Variants in PALM2AKAP2 observed in about 807,000 individuals in gnomAD.
PALM2AKAP2 encodes PALM2 and AKAP2 fusion.
In PALM2AKAP2, 37 loss-of-function variants were observed where a neutral mutation model predicts 71.5. The ratio of observed to expected loss-of-function variants is 0.52; its 90% confidence interval spans 0.40 to 0.68. PALM2AKAP2 has a LOEUF of 0.68. PALM2AKAP2 is among the 30% of genes least tolerant of loss of function. PALM2AKAP2 has a pLI of 0.00. For missense variants in PALM2AKAP2, 1,224 were observed against 1,191.8 expected, an observed-to-expected ratio of 1.03 and a Z score of -0.40; for synonymous variants, 468 against 478.8, an observed-to-expected ratio of 0.98 and a Z score of 0.29.
chr9:109,822,751 C>T (rs1828043444), intron 1 of PALM2AKAP2, among the ~76,000 whole-genome samples: 1 of 152,060 alleles, frequency 6.6e-6, no homozygotes, highest in African/African-American at 2.4e-5. Flanking sequence ...GTATATGTAC[C>T]ACATTGATGT....
intron 6 of PALM2AKAP2, among the ~76,000 whole-genome samples, chr9:109,978,258 G>T (rs1832206478): frequency 6.6e-6 from 1 of 152,098 alleles, no homozygotes; most frequent in South Asian, 2.1e-4. Context: ...AGATGTCAGT[G>T]GAGGTTGGCA....
At chr9:110,156,465 T>G (rs763794718) in exon 3 of PALM2AKAP2, 3 of 1,610,548 alleles carry the variant, frequency 1.9e-6, no homozygotes, top group Non-Finnish European at 2.5e-6. Context: ...GACACACAAA[T>G]CTAAAAGGCG....
chr9:110,043,169 C>G (rs1370180765), intron 7 of PALM2AKAP2, among the ~76,000 whole-genome samples: 1 of 152,178 alleles, frequency 6.6e-6, no homozygotes, highest in Non-Finnish European at 1.5e-5. Flanking sequence ...CACCCCACAC[C>G]AACTCACACA....
chr9:109,855,856 A>C (rs1433059780), intron 1 of PALM2AKAP2, among the ~76,000 whole-genome samples: 2 of 152,232 alleles, frequency 1.3e-5, no homozygotes, highest in Non-Finnish European at 2.9e-5. Flanking sequence ...ATGGAATTAT[A>C]ATAGACTTCT....
intron 7 of PALM2AKAP2, among the ~76,000 whole-genome samples, chr9:110,017,087 G>A (rs1382053137): frequency 1.3e-5 from 2 of 152,150 alleles, no homozygotes; most frequent in Admixed American, 6.5e-5. Flanking sequence ...CACCGTGTTA[G>A]CCAGGATGGT....
intron 6 of PALM2AKAP2, among the ~76,000 whole-genome samples, chr9:109,986,542 T>G (rs754376843): frequency 6.6e-6 from 1 of 152,248 alleles, no homozygotes; most frequent in Non-Finnish European, 1.5e-5. Context: ...CAAATAGAAT[T>G]TTCAGTGCTA....
chr9:110,150,189 A>G (rs1836276096), intron 2 of PALM2AKAP2, among the ~76,000 whole-genome samples: 1 of 152,228 alleles, frequency 6.6e-6, no homozygotes. Context: ...ATCCAGGGAG[A>G]GAGCCTTCAG....
At chr9:110,141,490 C>CA (rs1836028643) in intron 2 of PALM2AKAP2, among the ~76,000 whole-genome samples, 1 of 152,200 alleles carries the variant, frequency 6.6e-6, no homozygotes, top group Non-Finnish European at 1.5e-5. Flanking sequence ...ATGTAAAATA[C>CA]AATTTTCTTC....
chr9:109,706,466 A>G (rs768602549), intron 1 of PALM2AKAP2, among the ~76,000 whole-genome samples: 1 of 152,244 alleles, frequency 6.6e-6, no homozygotes, highest in Non-Finnish European at 1.5e-5. Flanking sequence ...GGGGATATAA[A>G]GTGGTGCAGC....
chr9:110,024,853 T>TTTTA (rs1290090673), intron 7 of PALM2AKAP2: 18 of 782,054 alleles, frequency 2.3e-5, no homozygotes, highest in Non-Finnish European at 3.3e-5. Context: ...CCCAGAGGTC[T>TTTTA]TTTATTTATT....
chr9:109,982,781 C>T (rs1022407618), intron 6 of PALM2AKAP2, among the ~76,000 whole-genome samples: 1 of 152,174 alleles, frequency 6.6e-6, no homozygotes, highest in Non-Finnish European at 1.5e-5. Context: ...TGTGCCACCA[C>T]GTCCAGTTAT....
chr9:110,009,734 A>G (rs1832846261), intron 6 of PALM2AKAP2, among the ~76,000 whole-genome samples: 1 of 147,750 alleles, frequency 6.8e-6, no homozygotes, highest in Non-Finnish European at 1.5e-5. Context: ...AAAAAAAAAG[A>G]TGCAAAGTTA....
In PALM2AKAP2 at chr9:110,116,375, C is replaced by CGT. The variant is rs983386918; in HGVS notation, c.157-19740_157-19739dup. On this transcript the variant is annotated intron_variant, in intron 1 of 3. Transcript: ENST00000374525. ...GAGCCCGTGTGTGCGTGTGTGTGTG[C>CGT]GTGTGTGTGTGTGCGCATGTGTGTG... Among the ~76,000 whole-genome samples, 25 of 151,022 alleles carry CGT rather than the reference C, an allele frequency of 1.7e-4. No individual in the cohort carries two copies. The East Asian group carries it at 2.1e-3, about 13-fold the overall frequency.
At chr9:109,788,503 T>C (rs1345996371) in intron 1 of PALM2AKAP2, among the ~76,000 whole-genome samples, 1 of 152,252 alleles carries the variant, frequency 6.6e-6, no homozygotes, top group Non-Finnish European at 1.5e-5. Flanking sequence ...CCAGAGTGTC[T>C]AATTCTGTAG....
chr9:109,704,201 A>G (rs1232373968), intron 1 of PALM2AKAP2, among the ~76,000 whole-genome samples: 1 of 152,200 alleles, frequency 6.6e-6, no homozygotes, highest in Non-Finnish European at 1.5e-5. Context: ...CCGGATATTT[A>G]CCAGCTGGGC....
intron 1 of PALM2AKAP2, among the ~76,000 whole-genome samples, chr9:110,128,580 G>C (rs1835668553): frequency 6.6e-6 from 1 of 152,236 alleles, no homozygotes; most frequent in South Asian, 2.1e-4. Context: ...TTAGTAGGAA[G>C]TAATCTGGGT....
At chr9:109,939,556 A>G (rs1452732854) in intron 6 of PALM2AKAP2, among the ~76,000 whole-genome samples, 2 of 152,276 alleles carry the variant, frequency 1.3e-5, no homozygotes, top group Non-Finnish European at 2.9e-5. Flanking sequence ...CCTACAAACT[A>G]ACAATTATTA....
intron 6 of PALM2AKAP2, among the ~76,000 whole-genome samples, chr9:109,941,091 CTCT>C (rs534295664): frequency 1.1e-3 from 159 of 150,958 alleles, no homozygotes; most frequent in African/African-American, 3.6e-3. Context: ...CTTCTCCTTC[CTCT>C]TCTTTTTTCT....
At chr9:109,782,744 TTGTG>T (rs71492863) in intron 1 of PALM2AKAP2, among the ~76,000 whole-genome samples, 3,067 of 144,112 alleles carry the variant, frequency 0.021, 54 homozygotes, top group African/African-American at 0.05. Flanking sequence ...GTGTGTTTGT[TTGTG>T]TGTGTGTGTG....
Sources: gnomAD v4.1 joint callset for allele counts (sites outside exome capture counted in the v4.1 genomes callset) on GRCh38, gnomAD v4.1.1 for gene constraint, MANE v1.5 for transcripts, NCBI Gene and HGNC (gene_info 2026-07-23, HGNC 2026-07-21) for gene names.